FOXO1: variants seen among roughly 807,000 people sequenced by gnomAD.
FOXO1 encodes forkhead box O1.
A neutral mutation model predicts 44.1 loss-of-function variants in FOXO1; 6 were observed. The ratio of observed to expected loss-of-function variants is 0.14; its 90% confidence interval spans 0.07 to 0.27. FOXO1 has a LOEUF of 0.27. Ranked by LOEUF, FOXO1 falls within the 10% of genes least tolerant of loss-of-function variation. The pLI is 1.00. For missense variants in FOXO1, 737 were observed against 888.8 expected (o/e 0.83, Z 2.17); for synonymous variants, 380 against 362.7 (o/e 1.05, Z -0.54).
At chr13:40,624,317 T>TTAAAA (rs781451856) in intron 1 of FOXO1, among the ~76,000 whole-genome samples, 2,069 of 100,892 alleles carry the variant, frequency 0.021, 23 homozygotes, top group East Asian at 0.07. Context: ...TAATACTGCT[T>TTAAAA]AAAAAAAAAA....
At chr13:40,595,905 G>T (rs1023054898) in intron 1 of FOXO1, among the ~76,000 whole-genome samples, 1 of 150,220 alleles carries the variant, frequency 6.7e-6, no homozygotes, top group East Asian at 2.0e-4. Context: ...CTTTCCCTCT[G>T]GTTAGTCGTA....
At chr13:40,606,218 T>C (rs904194542) in intron 1 of FOXO1, among the ~76,000 whole-genome samples, 1 of 152,222 alleles carries the variant, frequency 6.6e-6, no homozygotes, top group Non-Finnish European at 1.5e-5. Context: ...GACTACACCA[T>C]ATCTCTCTCA....
intron 1 of FOXO1, among the ~76,000 whole-genome samples, chr13:40,597,363 C>T (rs892945383): frequency 6.6e-6 from 1 of 152,188 alleles, no homozygotes; most frequent in African/African-American, 2.4e-5. Flanking sequence ...AGGCAGACAT[C>T]TTCCCAATAA....
chr13:40,560,738 C>T lies in FOXO1; in HGVS notation c.753G>A (p.Arg251=), dbSNP rs1280235495. ...PEGGKSGKSP[R]RRAASMDNNS... ...TGTTGTCCATGGATGCAGCTCTTCT[C>T]CTAGGAGATTTCCCGCTCTTGCCAC... Residue 251 remains arginine, a synonymous_variant, in exon 2 of 3, where the codon AGG becomes AGA. Coordinates refer to ENST00000379561, the MANE Select transcript of FOXO1 (RefSeq NM_002015.4). The surrounding 1 kb of genome is among the most constrained non-coding windows in gnomAD (Gnocchi z 5.1). 1 of 1,614,044 alleles carries T rather than the reference C, an allele frequency of 6.2e-7. No homozygotes were observed. Among genetic ancestry groups the T allele is most frequent in the African/African-American group, 1.3e-5 (1 of 74,908 alleles).
chr13:40,618,880 C>T (rs1876512977), intron 1 of FOXO1: 1 of 526,724 alleles, frequency 1.9e-6, no homozygotes, highest in Admixed American at 1.9e-5. Context: ...AGATTATCGG[C>T]TTATGAGAGG....
chr13:40,604,507 A>G (rs2137883311), intron 1 of FOXO1, among the ~76,000 whole-genome samples: 1 of 152,186 alleles, frequency 6.6e-6, no homozygotes, highest in African/African-American at 2.4e-5. Flanking sequence ...ATATGCATTC[A>G]GCCCAGAATC....
intron 1 of FOXO1, among the ~76,000 whole-genome samples, chr13:40,607,719 C>T (rs1876064002): frequency 6.6e-6 from 1 of 152,232 alleles, no homozygotes; most frequent in Non-Finnish European, 1.5e-5. Context: ...TTGCCTTGAG[C>T]CTACACCAAC....
chr13:40,602,824 T>A (rs1875858038), intron 1 of FOXO1, among the ~76,000 whole-genome samples: 1 of 152,150 alleles, frequency 6.6e-6, no homozygotes, highest in Non-Finnish European at 1.5e-5. Flanking sequence ...AGTTGACACA[T>A]GTGAAGATGG....
At chr13:40,590,007 C>T (rs534801966) in intron 1 of FOXO1, among the ~76,000 whole-genome samples, 2 of 152,200 alleles carry the variant, frequency 1.3e-5, no homozygotes, top group Non-Finnish European at 2.9e-5. Context: ...TCAATAAATA[C>T]GTTTTAATAA....
intron 1 of FOXO1, among the ~76,000 whole-genome samples, chr13:40,568,394 T>C (rs1035498047): frequency 6.6e-6 from 1 of 152,144 alleles, no homozygotes; most frequent in African/African-American, 2.4e-5. Context: ...CTTCCTCTCT[T>C]TTACACCAGC....
chr13:40,571,211 G>A (rs138732248), intron 1 of FOXO1, among the ~76,000 whole-genome samples: 15 of 151,896 alleles, frequency 9.9e-5, no homozygotes, highest in South Asian at 2.1e-4. Flanking sequence ...ATCACACACC[G>A]GGGCCTGTCA....
intron 1 of FOXO1, among the ~76,000 whole-genome samples, chr13:40,598,304 T>C (rs914292545): frequency 6.6e-6 from 1 of 152,176 alleles, no homozygotes; most frequent in Non-Finnish European, 1.5e-5. Context: ...ATGGTAGTTT[T>C]TAGTTCAGTT....
intron 1 of FOXO1, among the ~76,000 whole-genome samples, chr13:40,643,118 G>T (rs942899959): frequency 1.3e-5 from 2 of 152,112 alleles, no homozygotes; most frequent in African/African-American, 4.8e-5. Context: ...AAAGCAGGTG[G>T]ATCATTTGAG....
intron 1 of FOXO1, among the ~76,000 whole-genome samples, chr13:40,661,206 C>A (rs1420371438): frequency 1.3e-5 from 2 of 152,146 alleles, no homozygotes; most frequent in African/African-American, 4.8e-5. Flanking sequence ...AGCTGCATAA[C>A]CCCCTCATCC....
chr13:40,664,010 C>G (rs975093287), intron 1 of FOXO1, among the ~76,000 whole-genome samples: 20 of 152,238 alleles, frequency 1.3e-4, no homozygotes, highest in Non-Finnish European at 2.9e-4. Flanking sequence ...AACGGTGGCT[C>G]ACGCCTGTAA....
intron 1 of FOXO1, among the ~76,000 whole-genome samples, chr13:40,632,135 G>A (rs1412199555): frequency 6.6e-6 from 1 of 152,210 alleles, no homozygotes; most frequent in East Asian, 1.9e-4. Context: ...GCCAGGTGTG[G>A]TGGCACATGC....
intron 1 of FOXO1, chr13:40,619,970 G>A: frequency 1.5e-6 from 1 of 685,910 alleles, no homozygotes; most frequent in Middle Eastern, 2.5e-4. Context: ...AGTAGCCGAA[G>A]CTGTTCACCA....
intron 1 of FOXO1, among the ~76,000 whole-genome samples, chr13:40,600,378 G>A (rs548055198): frequency 6.6e-6 from 1 of 152,320 alleles, no homozygotes; most frequent in East Asian, 1.9e-4. Context: ...GAAGTGCACA[G>A]GGGCTTTACC....
intron 1 of FOXO1, among the ~76,000 whole-genome samples, chr13:40,628,343 C>T (rs1444984944): frequency 7.0e-6 from 1 of 143,810 alleles, no homozygotes; most frequent in African/African-American, 2.7e-5. Context: ...AGCTATTCCT[C>T]AAAAGAGCTG....
Sources: gnomAD v4.1 joint callset for allele counts (sites outside exome capture counted in the v4.1 genomes callset) on GRCh38, gnomAD v4.1.1 for gene constraint, Gnocchi (gnomAD v3.1) non-coding constraint, MANE v1.5 for transcripts, NCBI Gene and HGNC (gene_info 2026-07-23, HGNC 2026-07-21) for gene names.